FAT3: variants seen among roughly 807,000 people sequenced by gnomAD.
The protein encoded by FAT3 is protocadherin Fat 3.
In FAT3, 95 loss-of-function variants were observed where a neutral mutation model predicts 310.2. The ratio of observed to expected loss-of-function variants is 0.31; its 90% CI spans 0.26 to 0.36. FAT3 has a LOEUF of 0.36. Among genes scored for constraint, FAT3 ranks in the 10% least tolerant of loss-of-function variants. FAT3 has a pLI of 1.00. For missense variants in FAT3, 5,408 were observed against 5,715.6 expected (o/e 0.95, Z 1.74); for synonymous variants, 2,314 against 2,192.9 (o/e 1.06, Z -1.54).
intron 2 of FAT3, among the ~76,000 whole-genome samples, chr11:92,399,342 G>A (rs1949958052): frequency 6.6e-6 from 1 of 152,018 alleles, no homozygotes; most frequent in African/African-American, 2.4e-5. Flanking sequence ...AATAACCTGA[G>A]GATAGAATTC....
At position 92,466,880 on chromosome 11, in the gene FAT3, A is replaced by G. The variant is rs570102376; in HGVS notation, c.3293-57754A>G. Among the ~76,000 whole-genome samples the G allele has an allele frequency of 3.8e-4, 58 of 151,234 alleles. No individual in the cohort carries two copies. In the East Asian group the frequency reaches 8.6e-3, roughly 22 times the overall value. On this transcript the variant is annotated intron_variant, in intron 2 of 27. Coordinates refer to ENST00000525166, the MANE Select transcript of FAT3 (RefSeq NM_001367949.2). ...AGTTTACTGAGAATGATGATTTCCA[A>G]TTTCATCCATGTCCCTACAAAGGAC...
At chr11:92,279,298 C>T (rs1347216810) in intron 1 of FAT3, among the ~76,000 whole-genome samples, 2 of 152,068 alleles carry the variant, frequency 1.3e-5, no homozygotes, top group East Asian at 3.9e-4. Context: ...GTTATGCCAC[C>T]CCTGCCTCTT....
At chr11:92,770,543 T>TGTGCACAACTCCC (rs1413425936) in intron 6 of FAT3, among the ~76,000 whole-genome samples, 10 of 152,190 alleles carry the variant, frequency 6.6e-5, no homozygotes, top group Non-Finnish European at 1.0e-4. Context: ...ATCAACAGCT[T>TGTGCACAACTCCC]GTGCACAACT....
intron 7 of FAT3, among the ~76,000 whole-genome samples, chr11:92,780,302 A>G (rs571055935): frequency 3.9e-4 from 60 of 152,004 alleles, no homozygotes; most frequent in African/African-American, 1.4e-3. Flanking sequence ...AGCTGACACT[A>G]TAGGCATGTA....
intron 1 of FAT3, among the ~76,000 whole-genome samples, chr11:92,320,842 C>G (rs1298008652): frequency 6.7e-6 from 1 of 149,696 alleles, no homozygotes; most frequent in African/African-American, 2.5e-5. Context: ...TGCACTCCAG[C>G]CTGGGCAATG....
intron 2 of FAT3, among the ~76,000 whole-genome samples, chr11:92,395,404 C>A (rs1486097268): frequency 1.3e-5 from 2 of 152,162 alleles, no homozygotes; most frequent in African/African-American, 2.4e-5. Context: ...TATTTATAAG[C>A]CAAGGCTGTA....
At chr11:92,360,901 C>G (rs186497256) in intron 2 of FAT3, among the ~76,000 whole-genome samples, 2 of 152,244 alleles carry the variant, frequency 1.3e-5, no homozygotes, top group Admixed American at 6.5e-5. Context: ...GATTTGAACT[C>G]TAGTGTAATG....
chr11:92,390,040 A>G (rs1236855115), intron 2 of FAT3, among the ~76,000 whole-genome samples: 3 of 152,226 alleles, frequency 2.0e-5, no homozygotes, highest in African/African-American at 7.2e-5. Flanking sequence ...AACTTTCAAA[A>G]TAGACTCTTG....
At chr11:92,616,695 T>A (rs1363651899) in intron 3 of FAT3, among the ~76,000 whole-genome samples, 5 of 152,190 alleles carry the variant, frequency 3.3e-5, no homozygotes, top group Admixed American at 6.5e-5. Flanking sequence ...CTCTCAGCAT[T>A]TGTTTTTCTG....
chr11:92,609,164 TAACTGTGGGTGG>T (rs1940445838), intron 3 of FAT3, among the ~76,000 whole-genome samples: 1 of 152,236 alleles, frequency 6.6e-6, no homozygotes, highest in Admixed American at 6.5e-5. Context: ...TCTGAATAAT[TAACTGTGGGTGG>T]TTCAGTTGTC....
At position 92,578,733 on chromosome 11, in the gene FAT3, A is replaced by G. The variant is rs545446594; in HGVS notation, c.3607+53785A>G. On this transcript the variant is annotated intron_variant, in intron 3 of 27. Coordinates refer to ENST00000525166, the MANE Select transcript of FAT3 (RefSeq NM_001367949.2). ...CTAGGCCTCACTCTCCCTGTTTATA[A>G]AATAAGGGGTAATAAAACCTTCCAT... is the stretch of plus-strand genomic sequence containing the variant. Among the ~76,000 whole-genome samples the G allele has an allele frequency of 2.6e-5, 4 of 152,248 alleles. No homozygotes were observed. The South Asian group carries it at 8.3e-4, about 32-fold the overall frequency.
At position 92,799,066 on chromosome 11, in the gene FAT3, G is replaced by A. The variant is rs925909388; in HGVS notation, c.6053G>A (p.Ser2018Asn). ...GNRLNEPLKY[S>N]ILNPGNKFKI... Reference sequence around the variant, plus strand: ...CGCCTTAATGAGCCCTTAAAATACAGCATCTTAAACCCAGGAAATAAGTTC... The same window carrying A: ...CGCCTTAATGAGCCCTTAAAATACAACATCTTAAACCCAGGAAATAAGTTC... Residue 2018 changes from serine (S) to asparagine (N), a missense_variant, in exon 10 of 28, where the codon AGC becomes AAC. By Grantham distance (46) the Ser-to-Asn change is conservative (BLOSUM62 1). This residue lies in a region of FAT3 where 4,588 missense variants were observed against 4,809.8 expected (regional missense o/e 0.95). Transcript: ENST00000525166. 2 of 1,613,878 alleles carry A rather than the reference G, an allele frequency of 1.2e-6. No homozygotes were observed. The highest frequency in any genetic ancestry group is 1.7e-6 in the Non-Finnish European group (2 of 1,179,882).
chr11:92,661,268 T>C (rs1310638814), intron 3 of FAT3, among the ~76,000 whole-genome samples: 1 of 152,172 alleles, frequency 6.6e-6, no homozygotes, highest in Non-Finnish European at 1.5e-5. Flanking sequence ...CAATTACATC[T>C]GAGGCAAGGA....
chr11:92,413,223 T>G (rs1230074663), intron 2 of FAT3, among the ~76,000 whole-genome samples: 3 of 152,186 alleles, frequency 2.0e-5, no homozygotes, highest in African/African-American at 7.2e-5. Flanking sequence ...AACCCTTCTG[T>G]GTTTGAAAAC....
At chr11:92,728,361 T>C (rs560689778) in intron 4 of FAT3, among the ~76,000 whole-genome samples, 2 of 152,326 alleles carry the variant, frequency 1.3e-5, no homozygotes, top group South Asian at 4.1e-4. Flanking sequence ...GTGATTAAGA[T>C]GTATCTAAAC....
At chr11:92,363,815 G>A (rs1278783113) in intron 2 of FAT3, among the ~76,000 whole-genome samples, 2 of 151,848 alleles carry the variant, frequency 1.3e-5, no homozygotes, top group Non-Finnish European at 2.9e-5. Context: ...AATTATTTGA[G>A]AGAAAAAAAA....
At chr11:92,627,932 G>A (rs547523060) in intron 3 of FAT3, among the ~76,000 whole-genome samples, 7 of 152,328 alleles carry the variant, frequency 4.6e-5, no homozygotes, top group East Asian at 3.9e-4. Flanking sequence ...TGACTGGAGC[G>A]TGGGGCTTTG....
chr11:92,620,943 G>C (rs554011298), intron 3 of FAT3, among the ~76,000 whole-genome samples: 1 of 152,180 alleles, frequency 6.6e-6, no homozygotes, highest in African/African-American at 2.4e-5. Context: ...ACAGAGCAGA[G>C]AGAGAAGAAG....
At chr11:92,371,757 G>T (rs967786224) in intron 2 of FAT3, among the ~76,000 whole-genome samples, 1 of 152,098 alleles carries the variant, frequency 6.6e-6, no homozygotes, top group Non-Finnish European at 1.5e-5. Flanking sequence ...AGCCCAAAGA[G>T]CTCTCATCAC....
Sources: gnomAD v4.1 joint callset for allele counts (sites outside exome capture counted in the v4.1 genomes callset) on GRCh38, gnomAD v4.1.1 for gene constraint, gnomAD v4.1.1 regional missense constraint, MANE v1.5 for transcripts, NCBI Gene and HGNC (gene_info 2026-07-23, HGNC 2026-07-21) for gene names.